The following THSD7B variants were observed in gnomAD, a reference collection of about 807,000 sequenced individuals.
The protein encoded by THSD7B is thrombospondin type 1 domain containing 7B.
In THSD7B, 138 loss-of-function variants were observed where a neutral mutation model predicts 213.6. That is an observed-to-expected ratio of 0.65 (90% confidence interval 0.56 to 0.74). The LOEUF is 0.74. Among genes scored for constraint, THSD7B ranks in the 30% least tolerant of loss-of-function variants. THSD7B has a pLI of 0.00. For missense variants in THSD7B, 1,931 were observed against 1,991.5 expected, an observed-to-expected ratio of 0.97 and a Z score of 0.58; for synonymous variants, 742 against 687.0, an observed-to-expected ratio of 1.08 and a Z score of -1.25.
At chr2:137,242,229 A>G (rs569393634) in intron 9 of THSD7B, among the ~76,000 whole-genome samples, 1 of 152,206 alleles carries the variant, frequency 6.6e-6, no homozygotes, top group East Asian at 1.9e-4. Context: ...TTACTGGTGT[A>G]GTGAAAAGTT....
At position 137,232,899 on chromosome 2, in the gene THSD7B, G is replaced by A; in HGVS notation, c.1916G>A (p.Gly639Asp). 1 of 1,613,688 alleles carries A rather than the reference G, an allele frequency of 6.2e-7. No individual in the cohort carries two copies. Among genetic ancestry groups the A allele is most frequent in the Non-Finnish European group, 8.5e-7 (1 of 1,179,686 alleles). Residue 639 changes from glycine (G) to aspartate (D), a missense_variant and splice_region_variant, in exon 9 of 28, where the codon GGT becomes GAT. By Grantham distance (94) the Gly-to-Asp change is moderately conservative (BLOSUM62 -1). Transcript: ENST00000409968. ...TACCTTTTGTTCTTATTTTTGGCAG[G>A]TGGAAAGCCATGTCCCCCTAGTCAG... ...SRTILALAGEGGKPCPPSQAL... is the reference protein window; with the variant it reads ...SRTILALAGEDGKPCPPSQAL...
chr2:137,389,505 C>G lies in THSD7B; in HGVS notation c.2501-16108C>G, dbSNP rs1423221263. Among the ~76,000 whole-genome samples, 3 of 130,348 alleles carry G rather than the reference C, an allele frequency of 2.3e-5. No homozygotes were observed. In the Admixed American group the frequency reaches 2.8e-4, roughly 12 times the overall value. The allele number at this position is 130,348 out of a possible 152,430, so 85.5% of individuals were successfully genotyped here. ...CAGATGGATAGTTTGCAAATATTTGCTTCCATTTAACAGGCTGTCTCTTCA... is the reference window on the plus strand; with the variant it reads ...CAGATGGATAGTTTGCAAATATTTGGTTCCATTTAACAGGCTGTCTCTTCA... On this transcript the variant is annotated intron_variant, in intron 12 of 27. Transcript: ENST00000409968.
Position 137,281,881 on chromosome 2 carries a change from T to C in THSD7B, c.2500+5855T>C, listed in dbSNP as rs559182156. On this transcript the variant is annotated intron_variant, in intron 12 of 27. Coordinates refer to ENST00000409968, the MANE Select transcript of THSD7B (RefSeq NM_001316349.2). ...ATAAACACACGTGTGCATGTGTCTT[T>C]ATAGCAGCATGATTTATAGTCCTTT... Among the ~76,000 whole-genome samples, 3 of 152,340 alleles carry C rather than the reference T, an allele frequency of 2.0e-5. No individual in the cohort carries two copies. The South Asian group carries it at 6.2e-4, about 32-fold the overall frequency.
intron 2 of THSD7B, among the ~76,000 whole-genome samples, chr2:137,001,249 A>C (rs1387411878): frequency 1.3e-5 from 2 of 152,042 alleles, no homozygotes; most frequent in African/African-American, 4.8e-5. Flanking sequence ...TTAACATCTG[A>C]GTTTTAATAC....
chr2:136,908,767 G>A (rs1158263992), intron 2 of THSD7B, among the ~76,000 whole-genome samples: 1 of 152,188 alleles, frequency 6.6e-6, no homozygotes, highest in East Asian at 1.9e-4. Flanking sequence ...TTTCTTTATG[G>A]GGAGGAAGTA....
intron 7 of THSD7B, among the ~76,000 whole-genome samples, chr2:137,215,593 C>T (rs907181471): frequency 4.6e-5 from 7 of 152,194 alleles, no homozygotes; most frequent in Admixed American, 1.3e-4. Context: ...GATGACTGAA[C>T]GAAGATGACC....
chr2:137,405,941 T>A (rs1686507993), intron 13 of THSD7B, 134 bp downstream of exon 13: 1 of 701,476 alleles, frequency 1.4e-6, no homozygotes, highest in Non-Finnish European at 2.3e-6. Flanking sequence ...ATACATATCC[T>A]CAAACTCAGA....
chr2:136,813,975 C>G (rs775091875), intron 1 of THSD7B, among the ~76,000 whole-genome samples: 2 of 152,146 alleles, frequency 1.3e-5, no homozygotes, highest in Non-Finnish European at 2.9e-5. Context: ...TTCCTGGTGG[C>G]TATGCAGGGA....
At chr2:137,231,821 C>T (rs1558967090) in intron 8 of THSD7B, among the ~76,000 whole-genome samples, 2 of 152,052 alleles carry the variant, frequency 1.3e-5, no homozygotes, top group Non-Finnish European at 2.9e-5. Flanking sequence ...AGCAGCTGTT[C>T]CTGTAATTTA....
intron 17 of THSD7B, among the ~76,000 whole-genome samples, chr2:137,600,377 A>T (rs1286276108): frequency 6.6e-6 from 1 of 152,192 alleles, no homozygotes; most frequent in East Asian, 1.9e-4. Flanking sequence ...CTTATTGCCT[A>T]ATATTTACTG....
chr2:137,445,228 A>G (rs534330094), intron 14 of THSD7B, among the ~76,000 whole-genome samples: 1 of 152,190 alleles, frequency 6.6e-6, no homozygotes, highest in Non-Finnish European at 1.5e-5. Flanking sequence ...AAATAGAACT[A>G]CCATATGATT....
chr2:136,787,459 G>A (rs1390818140), intron 1 of THSD7B, among the ~76,000 whole-genome samples: 2 of 152,052 alleles, frequency 1.3e-5, no homozygotes, highest in Non-Finnish European at 2.9e-5. Flanking sequence ...GGACTAGATG[G>A]TACTGGATTC....
intron 2 of THSD7B, among the ~76,000 whole-genome samples, chr2:136,948,394 G>C (rs774106184): frequency 1.3e-5 from 2 of 151,258 alleles, no homozygotes; most frequent in South Asian, 2.1e-4. Context: ...TGACTCTCAT[G>C]GTTGACTGAA....
At chr2:137,274,636 C>A (rs1366248555) in intron 11 of THSD7B, among the ~76,000 whole-genome samples, 1 of 151,924 alleles carries the variant, frequency 6.6e-6, no homozygotes, top group African/African-American at 2.4e-5. Context: ...AGTCTATTCA[C>A]CAAGGTAAAG....
chr2:137,169,220 C>A (rs1471356855), intron 6 of THSD7B, among the ~76,000 whole-genome samples: 1 of 150,954 alleles, frequency 6.6e-6, no homozygotes, highest in Non-Finnish European at 1.5e-5. Context: ...AAAATTCTTG[C>A]CCAGCCCTGT....
At chr2:136,935,928 AATTATAAT>A (rs1684718343) in intron 2 of THSD7B, among the ~76,000 whole-genome samples, 1 of 148,000 alleles carries the variant, frequency 6.8e-6, no homozygotes, top group Non-Finnish European at 1.5e-5. Context: ...AATCTTATAT[AATTATAAT>A]TATATAATTA....
intron 13 of THSD7B, among the ~76,000 whole-genome samples, chr2:137,406,832 T>G (rs993497263): frequency 6.6e-6 from 1 of 152,154 alleles, no homozygotes; most frequent in Non-Finnish European, 1.5e-5. Flanking sequence ...CCACAAAAAT[T>G]TGTGCCACAT....
intron 5 of THSD7B, among the ~76,000 whole-genome samples, chr2:137,125,729 A>G (rs1405122842): frequency 6.6e-6 from 1 of 151,966 alleles, no homozygotes; most frequent in Non-Finnish European, 1.5e-5. Context: ...CAATTATTTC[A>G]TTTTCCCAGA....
intron 12 of THSD7B, among the ~76,000 whole-genome samples, chr2:137,307,977 G>A (rs1459990122): frequency 2.0e-5 from 3 of 152,044 alleles, no homozygotes; most frequent in East Asian, 3.9e-4. Context: ...AGGGAGGCAG[G>A]GGTGCAAATA....
Sources: allele counts gnomAD v4.1 joint callset (sites outside exome capture counted in the v4.1 genomes callset), GRCh38; gene constraint gnomAD v4.1.1; transcripts MANE v1.5; gene names NCBI Gene and HGNC (gene_info 2026-07-23, HGNC 2026-07-21).